UCK2: variants seen among roughly 807,000 people sequenced by gnomAD.
UCK2 encodes the protein cytidine monophosphokinase 2.
In UCK2, 6 loss-of-function variants were observed where a neutral mutation model predicts 30.8. The observed-to-expected ratio is 0.19, with a 90% confidence interval of 0.11 to 0.38. UCK2 has a LOEUF of 0.38. Ranked by LOEUF, UCK2 falls within the 10% of genes least tolerant of loss-of-function variation. The pLI is 1.00. For missense variants in UCK2, 210 were observed against 339.8 expected (o/e 0.62, Z 3.00); for synonymous variants, 125 against 133.6 (o/e 0.94, Z 0.45).
chr1:165,849,952 T>A (rs1316557506), intron 1 of UCK2, among the ~76,000 whole-genome samples: 1 of 152,148 alleles, frequency 6.6e-6, no homozygotes, highest in Non-Finnish European at 1.5e-5. Flanking sequence ...TAATAACACC[T>A]GTTACTCAGA....
At chr1:165,847,324 A>C (rs1654475185) in intron 1 of UCK2, among the ~76,000 whole-genome samples, 1 of 152,204 alleles carries the variant, frequency 6.6e-6, no homozygotes, top group African/African-American at 2.4e-5. Context: ...AAGGCAATTG[A>C]AATGTTTTCT....
At chr1:165,855,979 CTG>C (rs955284323) in intron 1 of UCK2, among the ~76,000 whole-genome samples, 3 of 151,304 alleles carry the variant, frequency 2.0e-5, no homozygotes, top group African/African-American at 7.4e-5. Context: ...GGTTGGGAAT[CTG>C]TGCTGTCTAT....
chr1:165,864,947 A>G (rs564170716), intron 1 of UCK2, among the ~76,000 whole-genome samples: 3 of 152,270 alleles, frequency 2.0e-5, no homozygotes, highest in Non-Finnish European at 4.4e-5. Context: ...CCCAGCTCCC[A>G]AAGTATTGGG....
chr1:165,841,687 C>T (rs930228627), intron 1 of UCK2, among the ~76,000 whole-genome samples: 1 of 152,168 alleles, frequency 6.6e-6, no homozygotes, highest in African/African-American at 2.4e-5. Context: ...CCTCAGGGAG[C>T]TTGTATGTTT....
intron 1 of UCK2, among the ~76,000 whole-genome samples, chr1:165,836,714 C>G (rs1227235619): frequency 6.6e-6 from 1 of 152,116 alleles, no homozygotes; most frequent in Non-Finnish European, 1.5e-5. Context: ...GTGGGAGAAG[C>G]CTGATTGTGA....
Position 165,866,403 on chromosome 1 carries a change from T to C in UCK2, c.100-23801T>C, listed in dbSNP as rs367844954. On this transcript the variant is annotated intron_variant, in intron 1 of 6. Transcript: ENST00000367879. ...AATGTAACTTAGGTTCATTGTACTTTTATTGAGGGCTTGGCACTGGAATAA... is the reference window on the plus strand; with the variant it reads ...AATGTAACTTAGGTTCATTGTACTTCTATTGAGGGCTTGGCACTGGAATAA... 3.3e-5 allele frequency among the ~76,000 whole-genome samples: 5 copies of C among 152,180 alleles called. No individual in the cohort carries two copies. In the East Asian group the frequency reaches 9.6e-4, roughly 29 times the overall value.
chr1:165,859,045 T>A (rs1470006802), intron 1 of UCK2, among the ~76,000 whole-genome samples: 2 of 152,182 alleles, frequency 1.3e-5, no homozygotes, highest in African/African-American at 4.8e-5. Context: ...ACCGTGTGTT[T>A]TGAAGAATGA....
At chr1:165,883,643 G>C (rs1200658761) in intron 1 of UCK2, among the ~76,000 whole-genome samples, 4 of 152,116 alleles carry the variant, frequency 2.6e-5, no homozygotes, top group African/African-American at 9.7e-5. Context: ...GGTGGGTGGT[G>C]GTGATTGTAT....
At chr1:165,845,998 G>A (rs1041922321) in intron 1 of UCK2, among the ~76,000 whole-genome samples, 4 of 152,124 alleles carry the variant, frequency 2.6e-5, no homozygotes, top group African/African-American at 7.2e-5. Context: ...GTCATGCCCT[G>A]CAAAGAAAGT....
At chr1:165,834,084 A>AATTTT (rs1417612856) in intron 1 of UCK2, among the ~76,000 whole-genome samples, 5 of 152,122 alleles carry the variant, frequency 3.3e-5, no homozygotes, top group Non-Finnish European at 7.4e-5. Flanking sequence ...TTATTTTTAA[A>AATTTT]AATCTTGTTT....
intron 1 of UCK2, among the ~76,000 whole-genome samples, chr1:165,832,399 C>T (rs1021583802): frequency 2.6e-5 from 4 of 152,118 alleles, no homozygotes; most frequent in Non-Finnish European, 5.9e-5. Context: ...ATTTAAGAAA[C>T]CATGAAAGAA....
intron 4 of UCK2, among the ~76,000 whole-genome samples, chr1:165,901,096 A>C (rs1199804691): frequency 2.0e-5 from 3 of 152,060 alleles, no homozygotes. Context: ...CTTCTTAGCG[A>C]GTCTCCCAGC....
At chr1:165,844,626 C>T (rs932263103) in intron 1 of UCK2, among the ~76,000 whole-genome samples, 38 of 152,150 alleles carry the variant, frequency 2.5e-4, no homozygotes, top group South Asian at 2.1e-4. Context: ...GAACGAACCG[C>T]GTGATTACGG....
chr1:165,872,116 A>C (rs554042483), intron 1 of UCK2, among the ~76,000 whole-genome samples: 8 of 151,744 alleles, frequency 5.3e-5, no homozygotes, highest in African/African-American at 1.9e-4. Context: ...CTCTTGTCAC[A>C]CAGGCTGGAG....
rs201530212 is a variant in UCK2 at position 165,890,362 on chromosome 1, G to A, written c.258G>A (p.Pro86=). The A allele has an allele frequency of 7.5e-5, 121 of 1,613,782 alleles. No homozygotes were observed. In the Middle Eastern group the frequency reaches 8.2e-4, roughly 11 times the overall value. The change falls in exon 2 of 7, where the codon CCG becomes CCA. Residue 86 remains proline, a splice_region_variant and synonymous_variant. Coordinates refer to ENST00000367879, the MANE Select transcript of UCK2 (RefSeq NM_012474.5). ...ALKGQFNFDH[P]DAFDNELILK... Reference sequence around the variant, plus strand: ...AGGGCCAGTTCAACTTTGACCACCCGGGTGAGTCGGGCATTGAAGGGGGTA... The same window carrying A: ...AGGGCCAGTTCAACTTTGACCACCCAGGTGAGTCGGGCATTGAAGGGGGTA...
Position 165,908,009 on chromosome 1 carries a change from C to G in UCK2, c.*186C>G. 2 of 829,870 alleles carry G rather than the reference C, an allele frequency of 2.4e-6. No individual in the cohort carries two copies. The highest frequency in any genetic ancestry group is 3.5e-6 in the Non-Finnish European group (2 of 571,054). The allele number at this position is 829,870 out of a possible 1,614,324, so 51.4% of individuals were successfully genotyped here. A position where few individuals can be genotyped will look rare whatever the true frequency, so the allele number is the denominator to read the frequency against. ...ACGACAAAATGAAACAGAACTTGAC[C>G]CTGAGCTTAAATAACAAAACTGTGC... On this transcript the variant is annotated 3_prime_UTR_variant, in exon 7 of 7. Coordinates refer to ENST00000367879, the MANE Select transcript of UCK2 (RefSeq NM_012474.5).
chr1:165,870,465 A>G (rs1173706297), intron 1 of UCK2, among the ~76,000 whole-genome samples: 1 of 150,296 alleles, frequency 6.7e-6, no homozygotes, highest in Non-Finnish European at 1.5e-5. Flanking sequence ...TTGAATGTCC[A>G]GTTTTCCCAG....
chr1:165,904,695 C>T (rs927241556), intron 5 of UCK2, among the ~76,000 whole-genome samples: 1 of 152,168 alleles, frequency 6.6e-6, no homozygotes, highest in African/African-American at 2.4e-5. Flanking sequence ...TAAATGTCTG[C>T]TCAGTTCAAG....
intron 1 of UCK2, chr1:165,885,342 T>C (rs1333156504): frequency 7.5e-6 from 3 of 398,454 alleles, no homozygotes; most frequent in African/African-American, 2.1e-5. Context: ...ATACTTGTTG[T>C]AATGGAATTA....
Sources: gnomAD v4.1 joint callset for allele counts (sites outside exome capture counted in the v4.1 genomes callset) on GRCh38, gnomAD v4.1.1 for gene constraint, MANE v1.5 for transcripts, NCBI Gene and HGNC (gene_info 2026-07-23, HGNC 2026-07-21) for gene names.